The following RAP1B variants were observed in gnomAD, a reference collection of about 807,000 sequenced individuals.
The protein encoded by RAP1B is ras-related protein Rap-1b.
In RAP1B, 1 loss-of-function variant was observed where a neutral mutation model predicts 27.5. The observed-to-expected ratio is 0.04, with a 90% CI of 0.01 to 0.17. The LOEUF (loss-of-function observed/expected upper bound fraction) is 0.17. Ranked by LOEUF, RAP1B falls within the 10% of genes least tolerant of loss-of-function variation. RAP1B has a pLI of 1.00. For missense variants in RAP1B, 84 were observed against 214.8 expected, an observed-to-expected ratio of 0.39 and a Z score of 3.81; for synonymous variants, 75 against 73.1, an observed-to-expected ratio of 1.03 and a Z score of -0.13.
chr12:68,635,429 G>A (rs1872562165), intron 1 of RAP1B, among the ~76,000 whole-genome samples: 1 of 152,166 alleles, frequency 6.6e-6, no homozygotes, highest in Non-Finnish European at 1.5e-5. Context: ...AGTGGGAGAA[G>A]TAATGTTACC....
In RAP1B at chr12:68,659,742, A is replaced by G. The variant is rs1234026013; in HGVS notation, c.*493A>G. 1.3e-5 allele frequency: 2 copies of G among 152,524 alleles called. No homozygotes were observed. Among genetic ancestry groups the G allele is most frequent in the Non-Finnish European group, 2.9e-5 (2 of 68,098 alleles). 9.4% of individuals were successfully genotyped at this position (152,524 alleles called of 1,614,324 possible). A position where few individuals can be genotyped will look rare whatever the true frequency, so the allele number is the denominator to read the frequency against. On this transcript the variant is annotated 3_prime_UTR_variant, in exon 8 of 8. Transcript: ENST00000250559. Reference sequence around the variant, plus strand: ...AATTTTTTTTAAGAAATTCAAGGTCATTATTATTGTACAAAATAAGCGCTT... The same window carrying G: ...AATTTTTTTTAAGAAATTCAAGGTCGTTATTATTGTACAAAATAAGCGCTT...
chr12:68,635,664 A>G (rs538040954), intron 1 of RAP1B, among the ~76,000 whole-genome samples: 1 of 152,046 alleles, frequency 6.6e-6, no homozygotes, highest in South Asian at 2.1e-4. Context: ...CATATTGGCC[A>G]GGCTGGTCTC....
At chr12:68,657,725 AACACACACACAC>A (rs61700927) in intron 7 of RAP1B, 7,874 of 126,186 alleles carry the variant, frequency 0.062, 302 homozygotes, top group East Asian at 0.083. Context: ...CCTAATTTAA[AACACACACACAC>A]ACACACACAC....
chr12:68,625,428 T>C (rs1221442272), intron 1 of RAP1B, among the ~76,000 whole-genome samples: 1 of 152,234 alleles, frequency 6.6e-6, no homozygotes. Context: ...ACTAAAATTA[T>C]TATTAGAGAA....
At chr12:68,615,958 A>G (rs1461738847) in intron 1 of RAP1B, among the ~76,000 whole-genome samples, 2 of 119,558 alleles carry the variant, frequency 1.7e-5, no homozygotes, top group Admixed American at 8.4e-5. Context: ...ACTCTAGTAA[A>G]TAATTTGGAT....
intron 5 of RAP1B, among the ~76,000 whole-genome samples, chr12:68,655,751 G>A (rs1055777690): frequency 2.6e-5 from 4 of 152,092 alleles, no homozygotes; most frequent in Non-Finnish European, 5.9e-5. Flanking sequence ...GGCCAGGCTG[G>A]TCTCCAACTC....
At chr12:68,626,789 T>G (rs1871816504) in intron 1 of RAP1B, 40 of 1,129,452 alleles carry the variant, frequency 3.5e-5, no homozygotes, top group Non-Finnish European at 4.3e-5. Context: ...TTTTTTGTTG[T>G]TTGTTTGTTT....
chr12:68,644,104 G>T (rs936686097), intron 1 of RAP1B, among the ~76,000 whole-genome samples: 1 of 151,898 alleles, frequency 6.6e-6, no homozygotes, highest in African/African-American at 2.4e-5. Flanking sequence ...TAATATTAGC[G>T]GTCAGAGACA....
At chr12:68,647,482 A>G (rs1419653094) in intron 1 of RAP1B, among the ~76,000 whole-genome samples, 3 of 145,948 alleles carry the variant, frequency 2.1e-5, no homozygotes, top group Non-Finnish European at 4.5e-5. Context: ...CAGCCTCCCA[A>G]AGTGCTGGGA....
rs1874471253 is a variant in RAP1B at position 68,659,382 on chromosome 12, C to T, written c.*133C>T. ...TCCTGTGGTGGTACCCTTTAAGAGG[C>T]GGATGAAAGCTACTATATCAGTTTG... On this transcript the variant is annotated 3_prime_UTR_variant, in exon 8 of 8. Coordinates refer to ENST00000250559, the MANE Select transcript of RAP1B (RefSeq NM_001010942.3). The T allele has an allele frequency of 4.7e-6, 2 of 427,338 alleles. No individual in the cohort carries two copies. Among genetic ancestry groups the T allele is most frequent in the South Asian group, 1.7e-5 (1 of 59,580 alleles). 26.5% of individuals were successfully genotyped at this position (427,338 alleles called of 1,614,324 possible).
At position 68,636,652 on chromosome 12, in the gene RAP1B, A is replaced by T. The variant is rs536778391; in HGVS notation, c.-26-12047A>T. The stretch of plus-strand genomic sequence containing the variant: ...TGTGTTGTCCAGAATAGTCTTGAGC[A>T]GTCTTCCCACCTCAGCCTCCCAAAA... On this transcript the variant is annotated intron_variant, in intron 1 of 7. Transcript: ENST00000250559. Among the ~76,000 whole-genome samples, 280 of 152,094 alleles carry T rather than the reference A, an allele frequency of 1.8e-3. 1 individual carries two copies. The highest frequency in any genetic ancestry group is 6.4e-3 in the African/African-American group (264 of 41,468).
chr12:68,626,483 C>T (rs1407539030), intron 1 of RAP1B, among the ~76,000 whole-genome samples: 1 of 152,124 alleles, frequency 6.6e-6, no homozygotes, highest in Non-Finnish European at 1.5e-5. Context: ...AGAGAACCAT[C>T]TTGGATAACC....
At position 68,660,845 on chromosome 12, in the gene RAP1B, A is replaced by T. The variant is rs759840704; in HGVS notation, c.*1596A>T. The stretch of plus-strand genomic sequence containing the variant: ...GTAGGTAAAAGAGGAACGATTTAAC[A>T]TACTTTCATGGATGTTACACTATGG... On this transcript the variant is annotated 3_prime_UTR_variant, in exon 8 of 8. Transcript: ENST00000250559. The T allele has an allele frequency of 7.2e-5, 11 of 152,236 alleles. No homozygotes were observed. Among genetic ancestry groups the T allele is most frequent in the Admixed American group, 5.9e-4 (9 of 15,286 alleles). The allele number at this position is 152,236 out of a possible 1,614,324, so 9.4% of individuals were successfully genotyped here.
intron 1 of RAP1B, among the ~76,000 whole-genome samples, chr12:68,638,910 C>T (rs1179102459): frequency 6.6e-6 from 1 of 152,162 alleles, no homozygotes; most frequent in Non-Finnish European, 1.5e-5. Flanking sequence ...ATCTGCCTGC[C>T]TCGGCCCCGC....
chr12:68,653,898 T>C (rs937702035), intron 4 of RAP1B, among the ~76,000 whole-genome samples: 1 of 151,622 alleles, frequency 6.6e-6, no homozygotes, highest in Admixed American at 6.6e-5. Context: ...GCCACTGCAC[T>C]CCAGCGTGGT....
chr12:68,635,219 T>G (rs1024374211), intron 1 of RAP1B, among the ~76,000 whole-genome samples: 2 of 152,222 alleles, frequency 1.3e-5, no homozygotes, highest in African/African-American at 2.4e-5. Flanking sequence ...TTTGGGCCCC[T>G]TATTTTTTCC....
intron 1 of RAP1B, chr12:68,643,002 T>C (rs879053919): frequency 3.8e-6 from 3 of 789,540 alleles, no homozygotes; most frequent in Non-Finnish European, 7.0e-6. Context: ...ATGTTGGGAT[T>C]CTTCACCGAC....
At chr12:68,652,152 AG>A in intron 4 of RAP1B, 101 bp downstream of exon 4, 2 of 944,586 alleles carry the variant, frequency 2.1e-6, no homozygotes, top group Non-Finnish European at 3.2e-6. Context: ...CTTATTTAAA[AG>A]TACTGCTTGC....
chr12:68,635,449 G>A (rs1872562982), intron 1 of RAP1B, among the ~76,000 whole-genome samples: 1 of 152,046 alleles, frequency 6.6e-6, no homozygotes, highest in Non-Finnish European at 1.5e-5. Flanking sequence ...CTGACTTCAG[G>A]AACCAGTATT....
Sources: gnomAD v4.1 joint callset for allele counts (sites outside exome capture counted in the v4.1 genomes callset) on GRCh38, gnomAD v4.1.1 for gene constraint, MANE v1.5 for transcripts, NCBI Gene and HGNC (gene_info 2026-07-23, HGNC 2026-07-21) for gene names.